The following EXPH5 variants were observed in gnomAD, a reference collection of about 807,000 sequenced individuals.
The protein encoded by EXPH5 is exophilin-5.
A neutral mutation model predicts 41.1 loss-of-function variants in EXPH5; 42 were observed. The observed-to-expected ratio is 1.02, with a 90% CI of 0.80 to 1.32. EXPH5 has a LOEUF of 1.32. EXPH5 is among the 40% of genes most tolerant of loss of function. The pLI is 0.00. For synonymous variants in EXPH5, 798 were observed against 833.5 expected, an observed-to-expected ratio of 0.96 and a Z score of 0.73; for missense variants, 2,298 against 2,314.5, an observed-to-expected ratio of 0.99 and a Z score of 0.15.
chr11:108,540,701 A>G (rs1211634330), intron 2 of EXPH5, among the ~76,000 whole-genome samples: 1 of 152,078 alleles, frequency 6.6e-6, no homozygotes, highest in Non-Finnish European at 1.5e-5. Context: ...GTATCCTTTT[A>G]ATCTATATAG....
Position 108,571,158 on chromosome 11 carries a change from G to A in EXPH5, c.119+22260C>T, listed in dbSNP as rs2094058641. On this transcript the variant is annotated intron_variant, in intron 1 of 5. Coordinates refer to ENST00000265843, the MANE Select transcript of EXPH5 (RefSeq NM_015065.3). ...GAGGCCTGGTGTGGCTTTGAAGGTGGAGACAGCTACCCTGGAGGGAGTGTG... is the reference window on the plus strand; with the variant it reads ...GAGGCCTGGTGTGGCTTTGAAGGTGAAGACAGCTACCCTGGAGGGAGTGTG... Among the ~76,000 whole-genome samples the A allele has an allele frequency of 1.3e-5, 2 of 152,204 alleles. 1 individual carries two copies. The highest frequency in any genetic ancestry group is 4.1e-4 in the South Asian group (2 of 4,830).
chr11:108,559,695 A>G (rs2094003861), intron 1 of EXPH5, among the ~76,000 whole-genome samples: 1 of 152,108 alleles, frequency 6.6e-6, no homozygotes, highest in Admixed American at 6.5e-5. Context: ...TTTTCCCCTC[A>G]TATTCAGGCA....
upstream of EXPH5, among the ~76,000 whole-genome samples, chr11:108,595,205 G>A (rs1368822001): frequency 6.6e-6 from 1 of 152,232 alleles, no homozygotes. Context: ...GAACAACACA[G>A]TCCTTGTCTT....
chr11:108,600,378 A>G, the EXPH5 span, among the ~76,000 whole-genome samples: 13 of 152,284 alleles, frequency 8.5e-5, no homozygotes, highest in African/African-American at 2.4e-4. Flanking sequence ...TGCATTTTAA[A>G]GAGTTTATTA....
chr11:108,569,695 A>T (rs1329245029), intron 1 of EXPH5, among the ~76,000 whole-genome samples: 1 of 152,204 alleles, frequency 6.6e-6, no homozygotes, highest in Admixed American at 6.5e-5. Context: ...TACAAAGAAC[A>T]TTTGTATATC....
intron 2 of EXPH5, among the ~76,000 whole-genome samples, chr11:108,540,244 ACCCGGGAGGTAGAGG>A (rs1403060387): frequency 2.6e-5 from 4 of 152,066 alleles, no homozygotes; most frequent in African/African-American, 9.7e-5. Flanking sequence ...AATTGCTTGA[ACCCGGGAGGTAGAGG>A]TTGCAATGAC....
intron 1 of EXPH5, among the ~76,000 whole-genome samples, chr11:108,553,469 C>A (rs932861267): frequency 2.0e-5 from 3 of 152,162 alleles, no homozygotes; most frequent in African/African-American, 7.2e-5. Flanking sequence ...TGTAGCTCAT[C>A]AGAGCTCTTC....
At chr11:108,537,138 A>G (rs987448800) in intron 3 of EXPH5, among the ~76,000 whole-genome samples, 1 of 152,246 alleles carries the variant, frequency 6.6e-6, no homozygotes, top group Admixed American at 6.5e-5. Flanking sequence ...TTCAGAATGT[A>G]TGACCTGATT....
In EXPH5 at chr11:108,506,142, T is replaced by C. The variant is rs915428825; in HGVS notation, c.*3395A>G. The stretch of plus-strand genomic sequence containing the variant: ...TTTACTCCATTTACATGAATGTTTA[T>C]TTTAATAATGACTATATCTTTCAGA... On this transcript the variant is annotated 3_prime_UTR_variant, in exon 6 of 6. Transcript: ENST00000265843. The C allele has an allele frequency of 1.3e-5, 2 of 152,232 alleles. No homozygotes were observed. The highest frequency in any genetic ancestry group is 4.8e-5 in the African/African-American group (2 of 41,458). The allele number at this position is 152,232 out of a possible 1,614,324, so 9.4% of individuals were successfully genotyped here. A position where few individuals can be genotyped will look rare whatever the true frequency, so the allele number is the denominator to read the frequency against.
chr11:108,573,699 T>C (rs1428230339), intron 1 of EXPH5, among the ~76,000 whole-genome samples: 5 of 152,160 alleles, frequency 3.3e-5, no homozygotes, highest in East Asian at 3.9e-4. Flanking sequence ...TCCTAACTTA[T>C]AGACAAAATA....
the EXPH5 span, among the ~76,000 whole-genome samples, chr11:108,602,860 G>A: frequency 2.6e-5 from 4 of 152,208 alleles, no homozygotes; most frequent in Non-Finnish European, 4.4e-5. Context: ...AGATACAGGT[G>A]ATACAGTGTG....
At chr11:108,578,722 T>C (rs1193780149) in intron 1 of EXPH5, among the ~76,000 whole-genome samples, 1 of 152,218 alleles carries the variant, frequency 6.6e-6, no homozygotes, top group Non-Finnish European at 1.5e-5. Flanking sequence ...CAGCGTTTTA[T>C]AGTTTTCATT....
chr11:108,512,501 G>A lies in EXPH5; in HGVS notation c.3006C>T (p.Leu1002=). The A allele has an allele frequency of 6.2e-7, 1 of 1,614,004 alleles. No homozygotes were observed. Among genetic ancestry groups the A allele is most frequent in the Non-Finnish European group, 8.5e-7 (1 of 1,179,998 alleles). ...ISVPTSDHRS[L]IEANQSNSKV... is the part of the protein sequence containing the mutation. ...TGGAATTGCTTTGATTTGCTTCAAT[G>A]AGGCTCCTGTGATCACTGGTGGGTA... The change falls in exon 6 of 6, where the codon CTC becomes CTT. Residue 1002 remains leucine (L), a synonymous_variant. Coordinates refer to ENST00000265843, the MANE Select transcript of EXPH5 (RefSeq NM_015065.3).
chr11:108,529,871 A>G (rs1423184893), intron 3 of EXPH5, among the ~76,000 whole-genome samples: 2 of 151,880 alleles, frequency 1.3e-5, no homozygotes, highest in East Asian at 3.9e-4. Flanking sequence ...GATTTAATAG[A>G]CCATAATGAC....
Position 108,514,784 on chromosome 11 carries a change from C to T in EXPH5, c.723G>A (p.Gln241=). Reference sequence around the variant, plus strand: ...TACCACTGGAATAAAAGTGACCGAACTGTGTTCTTGATCCATAGTTGAGGG... The same window carrying T: ...TACCACTGGAATAAAAGTGACCGAATTGTGTTCTTGATCCATAGTTGAGGG... ...RTPLNYGSRT[Q]FGHFYSSGNR... The change falls in exon 6 of 6, where the codon CAG becomes CAA. Residue 241 remains glutamine (Q), a synonymous_variant. Transcript: ENST00000265843. 6.2e-7 allele frequency: 1 copy of T among 1,608,538 alleles called. No individual in the cohort carries two copies. The highest frequency in any genetic ancestry group is 8.5e-7 in the Non-Finnish European group (1 of 1,178,226).
intron 3 of EXPH5, among the ~76,000 whole-genome samples, chr11:108,528,463 AT>A (rs1297285537): frequency 2.0e-5 from 3 of 152,210 alleles, no homozygotes; most frequent in African/African-American, 7.2e-5. Context: ...GACACATAAA[AT>A]ATAATAGCTA....
intron 1 of EXPH5, among the ~76,000 whole-genome samples, chr11:108,588,616 G>C (rs1253335385): frequency 2.0e-5 from 3 of 152,266 alleles, no homozygotes; most frequent in South Asian, 2.1e-4. Flanking sequence ...AAATGAGATA[G>C]TGCACACAAA....
intron 1 of EXPH5, among the ~76,000 whole-genome samples, chr11:108,572,984 G>A (rs1029789273): frequency 2.0e-5 from 3 of 151,698 alleles, no homozygotes; most frequent in Non-Finnish European, 2.9e-5. Flanking sequence ...GGGAGGACGA[G>A]GCAGGAGGAT....
intron 1 of EXPH5, among the ~76,000 whole-genome samples, chr11:108,550,708 G>A (rs983130329): frequency 2.0e-5 from 3 of 152,092 alleles, no homozygotes; most frequent in African/African-American, 7.3e-5. Context: ...GAACCTGGGA[G>A]GCAGAGGTTG....
Sources: gnomAD v4.1 joint callset for allele counts (sites outside exome capture counted in the v4.1 genomes callset) on GRCh38, gnomAD v4.1.1 for gene constraint, MANE v1.5 for transcripts, NCBI Gene and HGNC (gene_info 2026-07-23, HGNC 2026-07-21) for gene names.